Variants in FAM120C observed in about 807,000 individuals in gnomAD.
FAM120C encodes family with sequence similarity 120 member C.
In FAM120C, 14 loss-of-function variants were observed where a neutral mutation model predicts 71.2. The observed-to-expected ratio is 0.20, with a 90% CI of 0.13 to 0.31. FAM120C has a LOEUF of 0.31. Ranked by LOEUF, FAM120C falls within the 10% of genes least tolerant of loss-of-function variation. The pLI, the probability that FAM120C is intolerant of heterozygous loss-of-function variation, is 1.00. For missense variants in FAM120C, 500 were observed against 879.0 expected, an observed-to-expected ratio of 0.57 and a Z score of 5.45; for synonymous variants, 354 against 353.2, an observed-to-expected ratio of 1.00 and a Z score of -0.03.
intron 12 of FAM120C, among the ~76,000 whole-genome samples, chrX:54,086,294 T>C (rs1557121962): frequency 8.9e-6 from 1 of 111,917 alleles, no homozygotes; most frequent in Non-Finnish European, 1.9e-5. Flanking sequence ...ATCTGACAAA[T>C]AAAAAGCCTT....
chrX:54,182,413 T>C, intron 1 of FAM120C, 87 bp downstream of exon 1: 1 of 1,033,502 alleles, frequency 9.7e-7, no homozygotes, highest in Admixed American at 3.0e-5. Context: ...GGAGGTAGGG[T>C]AGTGGGTAAG....
chrX:54,175,864 T>A (rs1162598446), intron 1 of FAM120C, among the ~76,000 whole-genome samples: 1 of 111,676 alleles, frequency 9.0e-6, no homozygotes, highest in African/African-American at 3.3e-5. Flanking sequence ...CTTAGAAGAA[T>A]AGGGATCTAA....
intron 15 of FAM120C, among the ~76,000 whole-genome samples, chrX:54,077,041 A>G (rs782429189): frequency 1.1e-4 from 12 of 111,117 alleles, no homozygotes; most frequent in Non-Finnish European, 2.1e-4. Context: ...GCAGTAAACT[A>G]TGATTGCAAC....
chrX:54,079,693 A>G (rs1224841535), intron 15 of FAM120C, among the ~76,000 whole-genome samples: 2 of 110,046 alleles, frequency 1.8e-5, no homozygotes, highest in African/African-American at 3.3e-5. Context: ...GCTACTCAGG[A>G]GGCTGAGGCA....
At chrX:54,159,210 G>C (rs1310456266) in intron 2 of FAM120C, among the ~76,000 whole-genome samples, 160 bp downstream of exon 2, 4 of 111,837 alleles carry the variant, frequency 3.6e-5, no homozygotes, top group African/African-American at 1.3e-4. Context: ...GCTCTACCAA[G>C]AAGCCCAAAA....
intron 1 of FAM120C, among the ~76,000 whole-genome samples, chrX:54,172,659 A>C (rs1246547563): frequency 8.9e-6 from 1 of 111,805 alleles, no homozygotes; most frequent in Non-Finnish European, 1.9e-5. Flanking sequence ...CATAAATCAT[A>C]CCTAAGTGCA....
At chrX:54,081,488 T>C (rs1557121296) in intron 13 of FAM120C, 28 bp from the exon 14 acceptor site, 2 of 1,189,404 alleles carry the variant, frequency 1.7e-6, no homozygotes, top group Non-Finnish European at 2.3e-6. Flanking sequence ...ATGGTGGTAA[T>C]GGGCCAGGTG....
At chrX:54,150,202 CCTACTGAACAT>C (rs2146627594) in intron 4 of FAM120C, among the ~76,000 whole-genome samples, 1 of 112,058 alleles carries the variant, frequency 8.9e-6, no homozygotes, top group East Asian at 2.8e-4. Flanking sequence ...ATACACCTAG[CCTACTGAACAT>C]CACAGCTTAG....
At chrX:54,083,477 A>ACACACC (rs1269380471) in intron 13 of FAM120C, among the ~76,000 whole-genome samples, 23 of 104,877 alleles carry the variant, frequency 2.2e-4, no homozygotes, top group African/African-American at 6.1e-4. Context: ...ACACACACAC[A>ACACACC]CCAAAATATT....
intron 11 of FAM120C, among the ~76,000 whole-genome samples, chrX:54,089,321 T>C (rs1334558711): frequency 6.3e-5 from 7 of 111,514 alleles, no homozygotes; most frequent in East Asian, 5.6e-4. Context: ...GACAGAAGAC[T>C]GGAAAAAAAC....
intron 9 of FAM120C, among the ~76,000 whole-genome samples, chrX:54,128,380 T>C (rs1332583087): frequency 8.9e-6 from 1 of 112,709 alleles, no homozygotes; most frequent in Non-Finnish European, 1.9e-5. Flanking sequence ...TAATATGCAT[T>C]TCTCTGATAG....
intron 1 of FAM120C, among the ~76,000 whole-genome samples, chrX:54,175,799 T>C (rs1307300953): frequency 8.9e-6 from 1 of 111,919 alleles, no homozygotes; most frequent in Non-Finnish European, 1.9e-5. Flanking sequence ...ATGTAGGTAT[T>C]ATTGTTAAAC....
In FAM120C at chrX:54,129,903, G is replaced by A. The variant is rs782250069; in HGVS notation, c.2062+2789C>T. On this transcript the variant is annotated intron_variant, in intron 9 of 15. Transcript: ENST00000375180. ...GGCGTGGCGGCGCGCGCCTGCAATC[G>A]CAGGCACTCGGCAGGCTGAGGCAGG... Among the ~76,000 whole-genome samples the A allele has an allele frequency of 2.9e-4, 32 of 109,715 alleles. No individual in the cohort carries two copies. In the South Asian group the frequency reaches 0.012, roughly 41 times the overall value.
intron 1 of FAM120C, among the ~76,000 whole-genome samples, chrX:54,174,747 T>C (rs782800398): frequency 8.9e-6 from 1 of 112,072 alleles, no homozygotes; most frequent in African/African-American, 3.2e-5. Context: ...ATAAACGAAG[T>C]TCTTTCAAAA....
At chrX:54,114,629 G>A (rs1557126350) in intron 10 of FAM120C, among the ~76,000 whole-genome samples, 1 of 111,117 alleles carries the variant, frequency 9.0e-6, no homozygotes, top group African/African-American at 3.3e-5. Flanking sequence ...AGTAGAGACA[G>A]GGTTTTGCCA....
At chrX:54,087,266 T>G in intron 12 of FAM120C, among the ~76,000 whole-genome samples, 1 of 105,430 alleles carries the variant, frequency 9.5e-6, no homozygotes, top group Middle Eastern at 5.0e-3. Context: ...TGAGCCGAGG[T>G]CACGCCACTG....
At chrX:54,175,500 ATATTT>A (rs1217325897) in intron 1 of FAM120C, among the ~76,000 whole-genome samples, 5 of 109,352 alleles carry the variant, frequency 4.6e-5, no homozygotes, top group African/African-American at 1.7e-4. Flanking sequence ...GGTGCACAAG[ATATTT>A]TATACTTTTT....
intron 3 of FAM120C, among the ~76,000 whole-genome samples, chrX:54,153,284 A>G (rs782086887): frequency 9.9e-5 from 11 of 111,120 alleles, no homozygotes; most frequent in Non-Finnish European, 2.1e-4. Flanking sequence ...AGGGAGAATG[A>G]TAAGTGCAAA....
Position 54,182,904 on chromosome X carries a change from G to A in FAM120C, c.295C>T (p.Pro99Ser), listed in dbSNP as rs2067360395. Reference protein sequence around the residue: ...HHFHHHGQAQPGLHPPLPPPP... With the variant: ...HHFHHHGQAQSGLHPPLPPPP... Reference sequence around the variant, plus strand: ...GGCGGCAGCGGAGGGTGCAGCCCGGGCTGCGCTTGGCCATGATGGTGGAAG... The same window carrying A: ...GGCGGCAGCGGAGGGTGCAGCCCGGACTGCGCTTGGCCATGATGGTGGAAG... Residue 99 changes from proline to serine, a missense_variant, in exon 1 of 16, where the codon CCC becomes TCC. Physicochemically the swap from Pro to Ser is moderately conservative, Grantham distance 74 (BLOSUM62 -1). This residue lies in a region of FAM120C where 79 missense variants were observed against 78.3 expected (regional missense o/e 1.01). Coordinates refer to ENST00000375180, the MANE Select transcript of FAM120C (RefSeq NM_017848.6). 3 of 1,151,310 alleles carry A rather than the reference G, an allele frequency of 2.6e-6. No homozygotes were observed. In the Admixed American group the frequency reaches 8.1e-5, roughly 31 times the overall value. 94.9% of individuals were successfully genotyped at this position (1,151,310 alleles called of 1,213,427 possible).
Sources: allele counts gnomAD v4.1 joint callset (sites outside exome capture counted in the v4.1 genomes callset), GRCh38; gene constraint gnomAD v4.1.1; regional missense constraint gnomAD v4.1.1; transcripts MANE v1.5; gene names NCBI Gene and HGNC (gene_info 2026-07-23, HGNC 2026-07-21).